Variants in IGF2R observed in about 807,000 individuals in gnomAD.
The protein encoded by IGF2R is insulin like growth factor 2 receptor.
A neutral mutation model predicts 270.6 loss-of-function variants in IGF2R; 91 were observed. The ratio of observed to expected loss-of-function variants is 0.34; its 90% CI spans 0.28 to 0.40. The LOEUF (loss-of-function observed/expected upper bound fraction) is 0.40. IGF2R is among the 10% of genes least tolerant of loss of function. IGF2R has a pLI of 1.00. For missense variants in IGF2R, 2,805 were observed against 3,188.3 expected (o/e 0.88, Z 2.90); for synonymous variants, 1,316 against 1,258.9 (o/e 1.05, Z -0.96).
rs1562343074 is a variant in IGF2R at position 160,012,765 on chromosome 6, T to TATATATATATATATA, written c.513+1980_513+1981insATATATATATATATA. On this transcript the variant is annotated intron_variant, in intron 4 of 47. Coordinates refer to ENST00000356956, the MANE Select transcript of IGF2R (RefSeq NM_000876.4). ...CTAATTTATATATATATATATATAT[T>TATATATATATATATA]TTTTTTTTTTTTTGTTTGTTTGTTT... 6.4e-3 allele frequency among the ~76,000 whole-genome samples: 486 copies of TATATATATATATATA among 76,058 alleles called. 21 individuals carry two copies. Among genetic ancestry groups the TATATATATATATATA allele is most frequent in the East Asian group, 0.022 (36 of 1,664 alleles). 49.9% of individuals were successfully genotyped at this position (76,058 alleles called of 152,430 possible).
Position 160,089,105 on chromosome 6 carries a change from A to T in IGF2R, c.6321-2A>T. On this transcript the variant is annotated splice_acceptor_variant, in intron 42 of 47. Coordinates refer to ENST00000356956, the MANE Select transcript of IGF2R (RefSeq NM_000876.4). LOFTEE classifies it high-confidence loss of function. ...CTGTAGCCTGTGCTTCCCTCCTCCT[A>T]GGTTTGATATCGACAGCTGCACTTA... is the stretch of plus-strand genomic sequence containing the variant. The T allele has an allele frequency of 6.2e-7, 1 of 1,611,696 alleles. No homozygotes were observed. Among genetic ancestry groups the T allele is most frequent in the Non-Finnish European group, 8.5e-7 (1 of 1,178,508 alleles).
intron 19 of IGF2R, 102 bp from the exon 20 acceptor site, chr6:160,056,322 C>A: frequency 1.3e-6 from 1 of 771,824 alleles, no homozygotes; most frequent in Non-Finnish European, 2.3e-6. Flanking sequence ...TAATAAACAT[C>A]TAGCAGATTT....
intron 1 of IGF2R, among the ~76,000 whole-genome samples, chr6:159,978,365 G>A (rs943288299): frequency 2.0e-5 from 3 of 152,004 alleles, no homozygotes; most frequent in Non-Finnish European, 4.4e-5. Context: ...GATGGGGGCC[G>A]GGGGTCACCC....
chr6:160,106,716 G>A lies in IGF2R; in HGVS notation c.*1632G>A, dbSNP rs1355579087. 1 of 152,100 alleles carries A rather than the reference G, an allele frequency of 6.6e-6. No homozygotes were observed. The highest frequency in any genetic ancestry group is 1.5e-5 in the Non-Finnish European group (1 of 68,034). 9.4% of individuals were successfully genotyped at this position (152,100 alleles called of 1,614,324 possible). Reference sequence around the variant, plus strand: ...CTTTCATTTTTCTCCAGAGTCTCCTGGTCGTAGGTGTTAACTTTGGGTCCA... The same window carrying A: ...CTTTCATTTTTCTCCAGAGTCTCCTAGTCGTAGGTGTTAACTTTGGGTCCA... On this transcript the variant is annotated 3_prime_UTR_variant, in exon 48 of 48. Coordinates refer to ENST00000356956, the MANE Select transcript of IGF2R (RefSeq NM_000876.4).
rs746322020 is a variant in IGF2R, at chr6:160,080,295, GT to G, written c.5833+21del. The stretch of plus-strand genomic sequence containing the variant: ...GACACTGTGAGTAGGACGGCTCCGC[GT>G]CCCCACATGGCCTGGGGCCTTGATA... On this transcript the variant is annotated intron_variant, in intron 39 of 47. Coordinates refer to ENST00000356956, the MANE Select transcript of IGF2R (RefSeq NM_000876.4). 79 of 1,609,608 alleles carry G rather than the reference GT, an allele frequency of 4.9e-5. No homozygotes were observed. Among genetic ancestry groups the G allele is most frequent in the Non-Finnish European group, 6.5e-5 (76 of 1,177,394 alleles).
Position 160,103,788 on chromosome 6 carries a change from T to C in IGF2R, c.7038T>C (p.Ser2346=). ...AGCTGACCACTTGCTGTAGGAGAAG[T>C]TCCAACGTGTCCTACAAATACTCAA... ...ISKLTTCCRR[S]SNVSYKYSKV... The change falls in exon 47 of 48, where the codon AGT becomes AGC. Residue 2346 remains serine (S), a synonymous_variant. Coordinates refer to ENST00000356956, the MANE Select transcript of IGF2R (RefSeq NM_000876.4). The C allele has an allele frequency of 1.2e-6, 2 of 1,611,922 alleles. No homozygotes were observed. Among genetic ancestry groups the C allele is most frequent in the Non-Finnish European group, 1.7e-6 (2 of 1,178,042 alleles).
intron 19 of IGF2R, among the ~76,000 whole-genome samples, chr6:160,055,513 A>G (rs1778292618): frequency 6.6e-6 from 1 of 152,132 alleles, no homozygotes; most frequent in East Asian, 1.9e-4. Context: ...AGTCCCTTTC[A>G]CAAGCACATT....
At chr6:160,003,021 C>T (rs1177696860) in intron 2 of IGF2R, among the ~76,000 whole-genome samples, 1 of 152,162 alleles carries the variant, frequency 6.6e-6, no homozygotes, top group East Asian at 1.9e-4. Flanking sequence ...ATTGAGGTTA[C>T]CTCTGGAGCC....
At chr6:160,067,421 C>T (rs1778609829) in intron 29 of IGF2R, among the ~76,000 whole-genome samples, 2 of 152,112 alleles carry the variant, frequency 1.3e-5, no homozygotes, top group South Asian at 4.1e-4. Flanking sequence ...CTCTTACTTC[C>T]ATCAAATACA....
chr6:160,098,630 G>A (rs1583306663), intron 45 of IGF2R, among the ~76,000 whole-genome samples: 1 of 152,072 alleles, frequency 6.6e-6, no homozygotes, highest in African/African-American at 2.4e-5. Context: ...ACCAGCCTGG[G>A]CAACATGGTG....
intron 44 of IGF2R, chr6:160,093,983 G>A (rs577524494): frequency 1.0e-4 from 69 of 670,542 alleles, no homozygotes; most frequent in South Asian, 9.2e-4. Flanking sequence ...ATGAGCATCT[G>A]ATTTCTTCAC....
intron 7 of IGF2R, among the ~76,000 whole-genome samples, chr6:160,030,520 A>T (rs757364011): frequency 6.6e-6 from 1 of 152,220 alleles, no homozygotes; most frequent in Non-Finnish European, 1.5e-5. Flanking sequence ...TGTCAGCTGA[A>T]TGAAGGCCGG....
intron 2 of IGF2R, among the ~76,000 whole-genome samples, chr6:159,999,436 A>G (rs1784096215): frequency 6.6e-6 from 1 of 152,182 alleles, no homozygotes; most frequent in South Asian, 2.1e-4. Context: ...GAATGTGGAC[A>G]GCCGGCTCCA....
intron 19 of IGF2R, among the ~76,000 whole-genome samples, chr6:160,055,807 C>G (rs997114097): frequency 6.6e-6 from 1 of 152,082 alleles, no homozygotes; most frequent in Admixed American, 6.5e-5. Flanking sequence ...ACTCCCTGAT[C>G]GGCAGCTACC....
intron 2 of IGF2R, among the ~76,000 whole-genome samples, chr6:159,995,587 A>G (rs564548789): frequency 3.3e-5 from 5 of 151,952 alleles, no homozygotes; most frequent in Admixed American, 3.3e-4. Flanking sequence ...AAGCTATTAG[A>G]TTCTCTTTTC....
At chr6:160,069,299 C>T (rs1393116636) in intron 30 of IGF2R, among the ~76,000 whole-genome samples, 3 of 152,094 alleles carry the variant, frequency 2.0e-5, no homozygotes, top group South Asian at 2.1e-4. Flanking sequence ...GGTGGCTCAC[C>T]TCAAAGGCGG....
rs746286497 is a variant in IGF2R at position 160,030,909 on chromosome 6, C to T, written c.882+1254C>T. ...CACGATCTCACTTCACTACAATCTC[C>T]GCCTCCCTAGTTCAAGCAATCCTCC... On this transcript the variant is annotated intron_variant, in intron 7 of 47. Coordinates refer to ENST00000356956, the MANE Select transcript of IGF2R (RefSeq NM_000876.4). 7.2e-5 allele frequency among the ~76,000 whole-genome samples: 11 copies of T among 152,008 alleles called. No homozygotes were observed. The South Asian group carries it at 1.0e-3, about 14-fold the overall frequency.
intron 6 of IGF2R, among the ~76,000 whole-genome samples, chr6:160,028,710 C>T (rs562139497): frequency 1.3e-5 from 2 of 152,232 alleles, no homozygotes; most frequent in South Asian, 2.1e-4. Context: ...AACTGCTGGG[C>T]AGGTGCTGTG....
At chr6:160,026,702 C>T (rs1777567496) in intron 5 of IGF2R, among the ~76,000 whole-genome samples, 1 of 152,202 alleles carries the variant, frequency 6.6e-6, no homozygotes, top group African/African-American at 2.4e-5. Context: ...ATCTTTAATC[C>T]TCCACCAAAC....
Sources: gnomAD v4.1 joint callset for allele counts (sites outside exome capture counted in the v4.1 genomes callset) on GRCh38, gnomAD v4.1.1 for gene constraint, MANE v1.5 for transcripts, NCBI Gene and HGNC (gene_info 2026-07-23, HGNC 2026-07-21) for gene names.